Variants in VPS13B observed in about 807,000 individuals in gnomAD.
VPS13B encodes intermembrane lipid transfer protein VPS13B.
A neutral mutation model predicts 426.4 loss-of-function variants in VPS13B; 285 were observed. The ratio of observed to expected loss-of-function variants is 0.67; its 90% CI spans 0.61 to 0.74. The LOEUF is 0.74. Among genes scored for constraint, VPS13B ranks in the 30% least tolerant of loss-of-function variants. VPS13B has a pLI of 0.00. For synonymous variants in VPS13B, 1,676 were observed against 1,676.4 expected (o/e 1.00, Z 0.01); for missense variants, 4,537 against 4,782.6 (o/e 0.95, Z 1.51).
chr8:99,303,838 G>C (rs1249082272), intron 19 of VPS13B, among the ~76,000 whole-genome samples: 1 of 149,610 alleles, frequency 6.7e-6, no homozygotes, highest in Admixed American at 6.7e-5. Context: ...CAAAACATTT[G>C]TACTACAGAT....
At chr8:99,043,594 A>G (rs1223224358) in intron 3 of VPS13B, among the ~76,000 whole-genome samples, 1 of 152,104 alleles carries the variant, frequency 6.6e-6, no homozygotes, top group African/African-American at 2.4e-5. Context: ...ACCTGACTAT[A>G]TAATCATTTG....
intron 19 of VPS13B, among the ~76,000 whole-genome samples, chr8:99,282,621 C>T (rs886543379): frequency 5.9e-5 from 9 of 152,232 alleles, no homozygotes; most frequent in Middle Eastern, 6.8e-3. Flanking sequence ...TAGCTGTAGT[C>T]ACTTGTGCAA....
At chr8:99,267,737 A>G (rs1450717141) in intron 17 of VPS13B, among the ~76,000 whole-genome samples, 2 of 148,610 alleles carry the variant, frequency 1.3e-5, no homozygotes, top group African/African-American at 2.5e-5. Context: ...AAAAAAAAAG[A>G]AAAAAGAAAA....
intron 3 of VPS13B, among the ~76,000 whole-genome samples, chr8:99,093,099 AAAT>A (rs1405635943): frequency 6.6e-6 from 1 of 152,054 alleles, no homozygotes; most frequent in Non-Finnish European, 1.5e-5. Context: ...ATGTCTATAC[AAAT>A]AATATTATAA....
rs201033083 is a variant in VPS13B at position 99,391,628 on chromosome 8, T to A, written c.3006T>A (p.Ser1002Arg). 3.1e-6 allele frequency: 5 copies of A among 1,614,014 alleles called. No individual in the cohort carries two copies. Among genetic ancestry groups the A allele is most frequent in the Non-Finnish European group, 4.2e-6 (5 of 1,179,972 alleles). ...RRKEDEVSIGSAPLAKQQSYQ... is the reference protein window; with the variant it reads ...RRKEDEVSIGRAPLAKQQSYQ... ...AAGAGGATGAGGTGTCTATTGGAAG[T>A]GCCCCCTTGGCAAAGCAGCAATCAT... is the stretch of plus-strand genomic sequence containing the variant. Residue 1002 changes from serine (S) to arginine (R), a missense_variant, in exon 21 of 62, where the codon AGT (serine) becomes AGA (arginine). Ser to Arg is a moderately radical substitution (Grantham distance 110). Coordinates refer to ENST00000357162, the MANE Select transcript of VPS13B (RefSeq NM_152564.5).
intron 23 of VPS13B, among the ~76,000 whole-genome samples, chr8:99,447,575 G>A (rs192281289): frequency 8.0e-4 from 121 of 152,150 alleles, no homozygotes; most frequent in Middle Eastern, 3.4e-3. Flanking sequence ...AGTGCCTCGG[G>A]CATTTACTTT....
intron 24 of VPS13B, among the ~76,000 whole-genome samples, chr8:99,471,488 A>G (rs1819402298): frequency 6.6e-6 from 1 of 152,124 alleles, no homozygotes; most frequent in Admixed American, 6.6e-5. Context: ...CTCTCTTAGG[A>G]CAACTAATAA....
chr8:99,764,069 T>C (rs1280766613), intron 39 of VPS13B, among the ~76,000 whole-genome samples: 1 of 152,154 alleles, frequency 6.6e-6, no homozygotes, highest in African/African-American at 2.4e-5. Context: ...GAGATCCCAT[T>C]TTGTCCTCAA....
At chr8:99,458,941 A>G (rs1818679571) in intron 23 of VPS13B, among the ~76,000 whole-genome samples, 1 of 152,046 alleles carries the variant, frequency 6.6e-6, no homozygotes, top group Non-Finnish European at 1.5e-5. Flanking sequence ...CCATTTGTCA[A>G]TTTTGGCTTT....
intron 43 of VPS13B, among the ~76,000 whole-genome samples, chr8:99,792,294 T>G (rs1812580174): frequency 6.6e-6 from 1 of 152,102 alleles, no homozygotes; most frequent in Admixed American, 6.6e-5. Context: ...AAATGTTAAC[T>G]CAATTTCCAG....
chr8:99,303,730 C>CACAAAAAA (rs376472759), intron 19 of VPS13B, among the ~76,000 whole-genome samples: 9 of 63,714 alleles, frequency 1.4e-4, no homozygotes, highest in African/African-American at 5.7e-4. Flanking sequence ...GACTCCGTCT[C>CACAAAAAA]AAAAAAAAAA....
chr8:99,149,617 C>T (rs901679594), intron 14 of VPS13B, among the ~76,000 whole-genome samples: 1 of 143,852 alleles, frequency 7.0e-6, no homozygotes, highest in Non-Finnish European at 1.5e-5. Context: ...CACACCTGGC[C>T]TATGTGTTTT....
Position 99,850,987 on chromosome 8 carries a change from A to G in VPS13B, c.10061+2093A>G, listed in dbSNP as rs563290130. The stretch of plus-strand genomic sequence containing the variant: ...TTATTGCTTCTCATATATGGTTAAG[A>G]ACTCATTAATTTGGACTCTGCTAAT... On this transcript the variant is annotated intron_variant, in intron 55 of 61. Coordinates refer to ENST00000357162, the MANE Select transcript of VPS13B (RefSeq NM_152564.5). Among the ~76,000 whole-genome samples, 73 of 152,346 alleles carry G rather than the reference A, an allele frequency of 4.8e-4. 1 individual carries two copies. The South Asian group carries it at 0.015, about 32-fold the overall frequency.
chr8:99,250,771 A>G lies in VPS13B; in HGVS notation c.2516-23427A>G, dbSNP rs1317275275. Among the ~76,000 whole-genome samples the G allele has an allele frequency of 5.0e-5, 7 of 138,956 alleles. No homozygotes were observed. The South Asian group carries it at 7.2e-4, about 14-fold the overall frequency. 91.2% of individuals were successfully genotyped at this position (138,956 alleles called of 152,430 possible). A position where few individuals can be genotyped will look rare whatever the true frequency, so the allele number is the denominator to read the frequency against. On this transcript the variant is annotated intron_variant, in intron 17 of 61. Transcript: ENST00000357162. ...ACAATCATAGCTCATTGTAAGCTCA[A>G]ACTCCTGGGCTCAAGTGATCTTCCC...
intron 3 of VPS13B, among the ~76,000 whole-genome samples, chr8:99,094,889 G>A (rs1846340854): frequency 6.6e-6 from 1 of 152,094 alleles, no homozygotes; most frequent in Non-Finnish European, 1.5e-5. Context: ...TGCACTCTCA[G>A]CTACCCTTTG....
chr8:99,172,116 G>A (rs1812374010), intron 16 of VPS13B, among the ~76,000 whole-genome samples: 1 of 152,122 alleles, frequency 6.6e-6, no homozygotes, highest in Non-Finnish European at 1.5e-5. Flanking sequence ...CTTAAAGATA[G>A]TTAAACCAGT....
At chr8:99,422,089 T>C (rs934790093) in intron 21 of VPS13B, among the ~76,000 whole-genome samples, 3 of 152,134 alleles carry the variant, frequency 2.0e-5, no homozygotes, top group East Asian at 3.8e-4. Flanking sequence ...TTGACAGAGT[T>C]TTATGTAGTA....
At chr8:99,575,568 A>G (rs116711715) in intron 31 of VPS13B, 90 bp from the exon 32 acceptor site, 4 of 1,521,790 alleles carry the variant, frequency 2.6e-6, no homozygotes, top group South Asian at 2.3e-5. Flanking sequence ...TTTGCCATAC[A>G]TGTTTGTAGT....
intron 3 of VPS13B, among the ~76,000 whole-genome samples, chr8:99,053,388 G>GT (rs1333131354): frequency 6.6e-6 from 1 of 151,866 alleles, no homozygotes; most frequent in Non-Finnish European, 1.5e-5. Context: ...AGAACATGCG[G>GT]TTTTTTTGGT....
Sources: gnomAD v4.1 joint callset for allele counts (sites outside exome capture counted in the v4.1 genomes callset) on GRCh38, gnomAD v4.1.1 for gene constraint, MANE v1.5 for transcripts, NCBI Gene and HGNC (gene_info 2026-07-23, HGNC 2026-07-21) for gene names.